KCNH1: variants seen among roughly 807,000 people sequenced by gnomAD.
KCNH1 encodes the protein potassium voltage-gated channel subfamily H member 1, also known as voltage-gated delayed rectifier potassium channel KCNH1.
KCNH1 carries 27 observed loss-of-function variants against 69.2 expected under a neutral mutation model. The observed-to-expected ratio is 0.39, with a 90% CI of 0.29 to 0.54. The LOEUF is 0.54. KCNH1 is among the 20% of genes least tolerant of loss of function. KCNH1 has a pLI of 0.68. For missense variants in KCNH1, 798 were observed against 1,261.6 expected, an observed-to-expected ratio of 0.63 and a Z score of 5.57; for synonymous variants, 456 against 487.7, an observed-to-expected ratio of 0.93 and a Z score of 0.86.
At chr1:211,078,934 A>AAAG (rs1553377555) in intron 5 of KCNH1, among the ~76,000 whole-genome samples, 3,714 of 141,064 alleles carry the variant, frequency 0.026, 48 homozygotes, top group Non-Finnish European at 0.042. Flanking sequence ...AAAAAAAAAA[A>AAAG]AAAGAAAGAA....
chr1:210,898,710 C>G (rs1686927402), intron 7 of KCNH1, among the ~76,000 whole-genome samples: 1 of 151,342 alleles, frequency 6.6e-6, no homozygotes, highest in South Asian at 2.1e-4. Flanking sequence ...CCACCTTTTA[C>G]AGATACACCT....
chr1:210,782,935 C>T (rs114818587), intron 9 of KCNH1, among the ~76,000 whole-genome samples: 80 of 152,288 alleles, frequency 5.3e-4, no homozygotes, highest in African/African-American at 1.6e-3. Context: ...TTATAAGCTA[C>T]GCAGTCTATG....
intron 7 of KCNH1, among the ~76,000 whole-genome samples, chr1:210,864,622 G>A (rs1358872468): frequency 6.6e-6 from 1 of 152,194 alleles, no homozygotes; most frequent in Non-Finnish European, 1.5e-5. Context: ...GAGACACTTG[G>A]ACAACAACAA....
intron 5 of KCNH1, among the ~76,000 whole-genome samples, chr1:211,066,335 G>A (rs1690530442): frequency 6.6e-6 from 1 of 151,944 alleles, no homozygotes; most frequent in South Asian, 2.1e-4. Context: ...AAAATGCTCG[G>A]GACCAAAAAT....
intron 6 of KCNH1, among the ~76,000 whole-genome samples, chr1:210,987,694 C>A (rs1238174426): frequency 6.6e-6 from 1 of 152,208 alleles, no homozygotes; most frequent in Non-Finnish European, 1.5e-5. Context: ...TCTGCCCCTA[C>A]TGGGGGGTGC....
chr1:210,795,403 A>T (rs1770218), intron 9 of KCNH1, among the ~76,000 whole-genome samples: 93,200 of 151,948 alleles, frequency 0.61, 29,005 homozygotes, highest in African/African-American at 0.66. Context: ...CGTCTCAGCC[A>T]CCTGAAGTGC....
chr1:211,060,126 A>G (rs112096740), intron 5 of KCNH1, among the ~76,000 whole-genome samples: 2 of 152,256 alleles, frequency 1.3e-5, no homozygotes, highest in African/African-American at 4.8e-5. Context: ...ATATGCTCCT[A>G]AATGATCAGC....
intron 6 of KCNH1, among the ~76,000 whole-genome samples, chr1:210,997,216 G>A (rs1689065472): frequency 6.6e-6 from 1 of 152,184 alleles, no homozygotes; most frequent in Non-Finnish European, 1.5e-5. Context: ...ACTACTCCGA[G>A]CTACAGGAGG....
intron 10 of KCNH1, among the ~76,000 whole-genome samples, chr1:210,702,456 C>T (rs1574192560): frequency 6.6e-6 from 1 of 151,992 alleles, no homozygotes; most frequent in East Asian, 1.9e-4. Context: ...CTGCATTTTC[C>T]AGACTTTTAT....
intron 6 of KCNH1, among the ~76,000 whole-genome samples, chr1:211,006,201 C>G (rs967263530): frequency 1.3e-5 from 2 of 152,116 alleles, no homozygotes; most frequent in African/African-American, 2.4e-5. Context: ...CAGTATTTAC[C>G]AAACAATATA....
intron 10 of KCNH1, among the ~76,000 whole-genome samples, chr1:210,754,643 T>C (rs76998349): frequency 0.18 from 26,923 of 151,922 alleles, 3,152 homozygotes; most frequent in Non-Finnish European, 0.26. Flanking sequence ...TTTTACCGTG[T>C]GACGTGCCTG....
At chr1:210,889,532 A>G (rs79405375) in intron 7 of KCNH1, among the ~76,000 whole-genome samples, 1 of 152,226 alleles carries the variant, frequency 6.6e-6, no homozygotes, top group Non-Finnish European at 1.5e-5. Flanking sequence ...CCTATTCAAC[A>G]TAGTGTTGGA....
chr1:210,831,067 C>G (rs904109853), intron 7 of KCNH1, among the ~76,000 whole-genome samples: 3 of 152,200 alleles, frequency 2.0e-5, no homozygotes, highest in African/African-American at 7.2e-5. Context: ...TCCCTCAATT[C>G]TAAGTCTGAC....
At chr1:210,811,208 T>C (rs1020753970) in intron 7 of KCNH1, among the ~76,000 whole-genome samples, 5 of 152,192 alleles carry the variant, frequency 3.3e-5, no homozygotes, top group Non-Finnish European at 7.3e-5. Flanking sequence ...CCAGGTTTCA[T>C]GAATATCAGG....
intron 6 of KCNH1, among the ~76,000 whole-genome samples, chr1:210,974,494 C>T (rs1414219399): frequency 2.0e-5 from 3 of 150,466 alleles, no homozygotes; most frequent in Admixed American, 6.6e-5. Flanking sequence ...CTTATTATAC[C>T]TTTGTCTGGC....
chr1:210,997,715 T>G (rs369778142), intron 6 of KCNH1, among the ~76,000 whole-genome samples: 2 of 152,256 alleles, frequency 1.3e-5, no homozygotes, highest in South Asian at 4.2e-4. Context: ...AATTGTCAGA[T>G]TCACCAACGT....
chr1:210,857,000 T>C (rs1685864708), intron 7 of KCNH1, among the ~76,000 whole-genome samples: 1 of 149,624 alleles, frequency 6.7e-6, no homozygotes, highest in African/African-American at 2.4e-5. Context: ...ATAAGTTGGA[T>C]GCACTCTCAG....
rs566221361 is a variant in KCNH1, at chr1:210,979,545, C to A, written c.1032+39238G>T. 1.1e-4 allele frequency among the ~76,000 whole-genome samples: 16 copies of A among 152,232 alleles called. No homozygotes were observed. In the South Asian group the frequency reaches 3.3e-3, roughly 32 times the overall value. ...CCCATTGAGTGAATTTTCCATTCTC[C>A]TGTTTCACTTCTTCATATCTGGATA... is the stretch of plus-strand genomic sequence containing the variant. On this transcript the variant is annotated intron_variant, in intron 6 of 10. Coordinates refer to ENST00000271751, the MANE Select transcript of KCNH1 (RefSeq NM_172362.3).
chr1:210,891,656 C>A (rs761745418), intron 7 of KCNH1, among the ~76,000 whole-genome samples: 2 of 151,874 alleles, frequency 1.3e-5, no homozygotes, highest in Non-Finnish European at 2.9e-5. Context: ...AACAATGTGG[C>A]GATTCTTCAA....
Sources: allele counts gnomAD v4.1 joint callset (sites outside exome capture counted in the v4.1 genomes callset), GRCh38; gene constraint gnomAD v4.1.1; transcripts MANE v1.5; gene names NCBI Gene and HGNC (gene_info 2026-07-23, HGNC 2026-07-21).